The following ALOX15B variants were observed in gnomAD, a reference collection of about 807,000 sequenced individuals.
ALOX15B encodes the protein polyunsaturated fatty acid lipoxygenase ALOX15B.
Under a neutral mutation model 73.8 loss-of-function variants are expected in ALOX15B, and 74 were observed. The observed-to-expected ratio is 1.00, with a 90% CI of 0.83 to 1.22. ALOX15B has a LOEUF of 1.22. Among genes scored for constraint, ALOX15B ranks in the 50% most tolerant of loss-of-function variants. The probability of loss-of-function intolerance (pLI) is 0.00; values close to 1 mark genes in which losing one functional copy is unlikely to be tolerated. For synonymous variants in ALOX15B, 353 were observed against 357.2 expected, an observed-to-expected ratio of 0.99 and a Z score of 0.13; for missense variants, 896 against 859.9, an observed-to-expected ratio of 1.04 and a Z score of -0.52.
chr17:8,042,550 C>G, intron 4 of ALOX15B, 59 bp downstream of exon 4: 1 of 1,592,902 alleles, frequency 6.3e-7, no homozygotes, highest in Non-Finnish European at 8.6e-7. Flanking sequence ...CCTCTGCCTT[C>G]TGCCCTCCCC....
chr17:8,043,007 C>G (rs1340010578), intron 5 of ALOX15B, 123 bp downstream of exon 5: 1 of 732,766 alleles, frequency 1.4e-6, no homozygotes, highest in Admixed American at 2.8e-5. Flanking sequence ...CTTGCTAGAC[C>G]TTACTTTTCC....
rs186509922 is a variant in ALOX15B at position 8,044,240 on chromosome 17, G to A, written c.677-589G>A. Among the ~76,000 whole-genome samples the A allele has an allele frequency of 3.9e-4, 60 of 152,070 alleles. 3 individuals are homozygous for A. In the East Asian group the frequency reaches 8.7e-3, roughly 22 times the overall value. On this transcript the variant is annotated intron_variant, in intron 5 of 13. Coordinates refer to ENST00000380183, the MANE Select transcript of ALOX15B (RefSeq NM_001141.3). ...AGTTCGACACCAGTCTGAGCAACAT[G>A]GAGAAACCCTGTCTCTACCAAAAAG...
At position 8,047,671 on chromosome 17, in the gene ALOX15B, A is replaced by G. The variant is rs758363329; in HGVS notation, c.1680+7A>G. 8.7e-6 allele frequency: 14 copies of G among 1,612,860 alleles called. No homozygotes were observed. The East Asian group carries it at 3.1e-4, about 36-fold the overall frequency. On this transcript the variant is annotated splice_region_variant and intron_variant, in intron 12 of 13. Coordinates refer to ENST00000380183, the MANE Select transcript of ALOX15B (RefSeq NM_001141.3). The stretch of plus-strand genomic sequence containing the variant: ...GGCTGTCAGTGCAGGGCAGGTGAGG[A>G]AAGGCCAGCGCCCGAGGTGGCAGGC...
Position 8,048,576 on chromosome 17 carries a change from A to T in ALOX15B, c.*11A>T. The T allele has an allele frequency of 6.2e-7, 1 of 1,611,888 alleles. No individual in the cohort carries two copies. Reference sequence around the variant, plus strand: ...AGCGTCTCCATCTAAATCCCAGGGGAACACAGGCCCAGATGACATCCCTTT... The same window carrying T: ...AGCGTCTCCATCTAAATCCCAGGGGTACACAGGCCCAGATGACATCCCTTT... On this transcript the variant is annotated 3_prime_UTR_variant, in exon 14 of 14. Transcript: ENST00000380183.
Position 8,045,388 on chromosome 17 carries a change from T to G in ALOX15B, c.996+4T>G, listed in dbSNP as rs775372233. On this transcript the variant is annotated splice_donor_region_variant and intron_variant, in intron 7 of 13. Coordinates refer to ENST00000380183, the MANE Select transcript of ALOX15B (RefSeq NM_001141.3). ...GCTGCTGCCTCTCGCCATCCAGGTA[T>G]GCAGTCAGGCAGGGGCAGGGCAGCG... 45 of 1,613,912 alleles carry G rather than the reference T, an allele frequency of 2.8e-5. No homozygotes were observed. Among genetic ancestry groups the G allele is most frequent in the Non-Finnish European group, 3.7e-5 (44 of 1,180,024 alleles).
In ALOX15B at chr17:8,039,096, A is replaced by AG. The variant is rs1297793491; in HGVS notation, c.-54dup. 4 of 1,565,790 alleles carry AG rather than the reference A, an allele frequency of 2.6e-6. No individual in the cohort carries two copies. Among genetic ancestry groups the AG allele is most frequent in the African/African-American group, 2.7e-5 (2 of 73,054 alleles). On this transcript the variant is annotated 5_prime_UTR_variant, in exon 1 of 14. Transcript: ENST00000380183. Reference sequence around the variant, plus strand: ...CAGGGGCAATAACCAGGCGTGTCCCAGGGGGGAGCCCCGCTCTGCAGCCCT... The same window carrying AG: ...CAGGGGCAATAACCAGGCGTGTCCCAGGGGGGGAGCCCCGCTCTGCAGCCCT...
At chr17:8,045,045 TG>T in intron 6 of ALOX15B, 44 bp downstream of exon 6, 1 of 1,610,266 alleles carries the variant, frequency 6.2e-7, no homozygotes, top group South Asian at 1.1e-5. Context: ...CCCATCTCAG[TG>T]CCTTCACACC....
At chr17:8,043,665 G>T (rs1976520565) in intron 5 of ALOX15B, among the ~76,000 whole-genome samples, 1 of 152,136 alleles carries the variant, frequency 6.6e-6, no homozygotes, top group African/African-American at 2.4e-5. Flanking sequence ...CCAGAGGATG[G>T]TGGCCTCAGC....
intron 8 of ALOX15B, 146 bp from the exon 9 acceptor site, chr17:8,046,522 G>A: frequency 1.3e-6 from 1 of 762,618 alleles, no homozygotes; most frequent in Non-Finnish European, 2.1e-6. Flanking sequence ...AGGAACTCCA[G>A]GGCTCAGACC....
At position 8,039,152 on chromosome 17, in the gene ALOX15B, C is replaced by A; in HGVS notation, c.-4C>A. On this transcript the variant is annotated 5_prime_UTR_variant, in exon 1 of 14. Coordinates refer to ENST00000380183, the MANE Select transcript of ALOX15B (RefSeq NM_001141.3). ...CCGTAGAGAGCTGGACTTAGGCTGG[C>A]AGCATGGCCGAGTTCAGGGTCAGGG... 1 of 1,612,468 alleles carries A rather than the reference C, an allele frequency of 6.2e-7. No homozygotes were observed. The highest frequency in any genetic ancestry group is 1.7e-5 in the Admixed American group (1 of 59,770).
In ALOX15B at chr17:8,045,350, C is replaced by A. The variant is rs1976576674; in HGVS notation, c.962C>A (p.Pro321Gln). The A allele has an allele frequency of 6.2e-7, 1 of 1,614,168 alleles. No individual in the cohort carries two copies. The highest frequency in any genetic ancestry group is 8.5e-7 in the Non-Finnish European group (1 of 1,180,028). ...CCAATGACCCTGCTATACCAGAGCC[C>A]AGGCTGCGGGCCGCTGCTGCCTCTC... ...AAPMTLLYQS[P>Q]GCGPLLPLAI... The change falls in exon 7 of 14, where the codon CCA (proline) becomes CAA (glutamine). Residue 321 changes from proline (P) to glutamine (Q), a missense_variant. Physicochemically the swap from Pro to Gln is moderately conservative, Grantham distance 76. Coordinates refer to ENST00000380183, the MANE Select transcript of ALOX15B (RefSeq NM_001141.3).
rs554033639 is a variant in ALOX15B at position 8,045,058 on chromosome 17, G to A, written c.849+57G>A. The A allele has an allele frequency of 4.0e-5, 64 of 1,603,326 alleles. 1 individual carries two copies. The South Asian group carries it at 4.2e-4, about 11-fold the overall frequency. ...GTCCCATCTCAGTGCCTTCACACCC[G>A]TCCCCTACTGGAGACAGAGGGGCAC... is the stretch of plus-strand genomic sequence containing the variant. On this transcript the variant is annotated intron_variant, in intron 6 of 13. Coordinates refer to ENST00000380183, the MANE Select transcript of ALOX15B (RefSeq NM_001141.3).
rs1804772 is a variant in ALOX15B, at chr17:8,048,687, C to A, written c.*122C>A. 0.029 allele frequency: 31,783 copies of A among 1,111,980 alleles called. 1,921 individuals are homozygous for A. Among genetic ancestry groups the A allele is most frequent in the African/African-American group, 0.21 (13,172 of 62,624 alleles). The allele number at this position is 1,111,980 out of a possible 1,614,324, so 68.9% of individuals were successfully genotyped here. On this transcript the variant is annotated 3_prime_UTR_variant, in exon 14 of 14. Transcript: ENST00000380183. ...CCCCATGTGCCTCTCCTGGGACAAC[C>A]AGACTCTGTAACTCACCCCCACCAC... is the stretch of plus-strand genomic sequence containing the variant.
chr17:8,046,901 T>C lies in ALOX15B; in HGVS notation c.1288-6T>C. On this transcript the variant is annotated splice_polypyrimidine_tract_variant and splice_region_variant and intron_variant, in intron 9 of 13. Coordinates refer to ENST00000380183, the MANE Select transcript of ALOX15B (RefSeq NM_001141.3). ...GTCTGTAGGACCCAAGAGTCCTGTC[T>C]CTCAGTCCACAGGCATCGGCATTGA... 6.2e-7 allele frequency: 1 copy of C among 1,614,002 alleles called. No homozygotes were observed. Among genetic ancestry groups the C allele is most frequent in the Non-Finnish European group, 8.5e-7 (1 of 1,179,904 alleles).
chr17:8,040,592 A>C (rs560756670), intron 3 of ALOX15B, among the ~76,000 whole-genome samples: 1 of 110,926 alleles, frequency 9.0e-6, no homozygotes, highest in Non-Finnish European at 1.8e-5. Flanking sequence ...AAAGAGAGAA[A>C]GAAAGAGAGA....
chr17:8,045,100 G>A, intron 6 of ALOX15B, 99 bp downstream of exon 6: 1 of 1,583,796 alleles, frequency 6.3e-7, no homozygotes. Flanking sequence ...ATTTGTTAGG[G>A]ACCTACCGCG....
chr17:8,043,372 G>A (rs962106224), intron 5 of ALOX15B, among the ~76,000 whole-genome samples: 3 of 152,170 alleles, frequency 2.0e-5, no homozygotes, highest in Admixed American at 6.5e-5. Context: ...AGAGCAGTTC[G>A]GGGAACAGTG....
At chr17:8,044,484 T>TGG (rs938023951) in intron 5 of ALOX15B, among the ~76,000 whole-genome samples, 10 of 149,784 alleles carry the variant, frequency 6.7e-5, no homozygotes, top group African/African-American at 2.5e-4. Context: ...TGTAGGCAAC[T>TGG]GGGTGGGGGA....
Position 8,039,935 on chromosome 17 carries a change from TC to T in ALOX15B, c.403del (p.Gln135SerfsTer61). On this transcript the variant is annotated frameshift_variant, in exon 3 of 14. Transcript: ENST00000380183. LOFTEE classifies it high-confidence loss of function. ...TCCTGGGCAGACCACCACCCTGTGC[TC>T]CAGCAACAGCGCCAGGAGGAGCTTC... ...KVSWADHHPVLQQQRQEELQA... is the reference protein window; with the variant it reads ...KVSWADHHPVXQQQRQEELQA... 6.2e-7 allele frequency: 1 copy of T among 1,612,816 alleles called. No individual in the cohort carries two copies. Among genetic ancestry groups the T allele is most frequent in the Non-Finnish European group, 8.5e-7 (1 of 1,179,530 alleles).
Sources: allele counts gnomAD v4.1 joint callset (sites outside exome capture counted in the v4.1 genomes callset), GRCh38; gene constraint gnomAD v4.1.1; transcripts MANE v1.5; gene names NCBI Gene and HGNC (gene_info 2026-07-23, HGNC 2026-07-21).